The following CUX2 variants were observed in gnomAD, a reference collection of about 807,000 sequenced individuals.
CUX2 encodes cut like homeobox 2, also known as homeobox protein cut-like 2.
In CUX2, 40 loss-of-function variants were observed where a neutral mutation model predicts 144.8. The ratio of observed to expected loss-of-function variants is 0.28; its 90% CI spans 0.21 to 0.36. The LOEUF (loss-of-function observed/expected upper bound fraction) is 0.36, where lower values mean the gene tolerates loss of function less well. Among genes scored for constraint, CUX2 ranks in the 10% least tolerant of loss-of-function variants. The pLI, the probability that CUX2 is intolerant of heterozygous loss-of-function variation, is 1.00. For synonymous variants in CUX2, 827 were observed against 875.6 expected (o/e 0.94, Z 0.98); for missense variants, 1,615 against 1,994.0 (o/e 0.81, Z 3.62).
At chr12:111,225,845 C>A (rs1882107822) in intron 3 of CUX2, among the ~76,000 whole-genome samples, 1 of 152,200 alleles carries the variant, frequency 6.6e-6, no homozygotes, top group East Asian at 1.9e-4. Context: ...TGTATCCAGC[C>A]CAGAACTTGG....
At chr12:111,207,449 G>A (rs897680722) in intron 1 of CUX2, among the ~76,000 whole-genome samples, 1 of 152,130 alleles carries the variant, frequency 6.6e-6, no homozygotes, top group Admixed American at 6.5e-5. Context: ...ATTGATGGAC[G>A]AGTGGATGGG....
chr12:111,200,248 C>T (rs1880497331), intron 1 of CUX2, among the ~76,000 whole-genome samples: 2 of 152,136 alleles, frequency 1.3e-5, no homozygotes, highest in Non-Finnish European at 2.9e-5. Flanking sequence ...CCTTTATTTA[C>T]AGGGGAGGCA....
chr12:111,085,914 T>C (rs527609725), intron 1 of CUX2, among the ~76,000 whole-genome samples: 1 of 152,368 alleles, frequency 6.6e-6, no homozygotes, highest in Admixed American at 6.5e-5. Flanking sequence ...CAGTGAATGC[T>C]GGTGGAGAGA....
chr12:111,118,414 C>A (rs1456038339), intron 1 of CUX2, among the ~76,000 whole-genome samples: 1 of 152,132 alleles, frequency 6.6e-6, no homozygotes, highest in East Asian at 1.9e-4. Flanking sequence ...TCAGTGATGT[C>A]CAGTTGGTAG....
intron 17 of CUX2, among the ~76,000 whole-genome samples, chr12:111,321,414 AGCCAAGATCTC>A (rs1463956509): frequency 6.6e-6 from 1 of 151,982 alleles, no homozygotes; most frequent in Non-Finnish European, 1.5e-5. Flanking sequence ...GGTTGCAGCG[AGCCAAGATCTC>A]GCTACTGTGC....
chr12:111,185,779 C>T (rs543907618), intron 1 of CUX2, among the ~76,000 whole-genome samples: 1 of 152,196 alleles, frequency 6.6e-6, no homozygotes. Flanking sequence ...CCAGTCCCAG[C>T]TCAGCCTGGC....
chr12:111,139,135 C>T (rs911492427), intron 1 of CUX2, among the ~76,000 whole-genome samples: 1 of 151,952 alleles, frequency 6.6e-6, no homozygotes, highest in Admixed American at 6.6e-5. Context: ...TCAGGGACTT[C>T]GTGGGGGGCA....
rs749847051 is a variant in CUX2, at chr12:111,322,395, C to T, written c.2767-26C>T. ...GCCCATGTCCCAGGGGCCTGCTGACCTACCCCCCTGGCCCGCCCCTCGCAG... is the reference window on the plus strand; with the variant it reads ...GCCCATGTCCCAGGGGCCTGCTGACTTACCCCCCTGGCCCGCCCCTCGCAG... On this transcript the variant is annotated intron_variant, in intron 17 of 21. Coordinates refer to ENST00000261726, the MANE Select transcript of CUX2 (RefSeq NM_015267.4). This position sits in a 1 kb window ranked among gnomAD's most constrained non-coding sequence, Gnocchi z 4.2. The T allele has an allele frequency of 4.6e-6, 7 of 1,535,032 alleles. No individual in the cohort carries two copies. Among genetic ancestry groups the T allele is most frequent in the Admixed American group, 2.0e-5 (1 of 49,470 alleles).
At chr12:111,070,267 G>T (rs1871199182) in intron 1 of CUX2, among the ~76,000 whole-genome samples, 1 of 152,066 alleles carries the variant, frequency 6.6e-6, no homozygotes, top group African/African-American at 2.4e-5. Context: ...CAACCTTCTA[G>T]GGCCACACAA....
Position 111,240,047 on chromosome 12 carries a change from G to A in CUX2, c.222+22110G>A, listed in dbSNP as rs371206306. Reference sequence around the variant, plus strand: ...TAGCTGTGCGCCAGCTATGCAGACCGTATCCTTCATTTAGTCCTCAGCAGT... The same window carrying A: ...TAGCTGTGCGCCAGCTATGCAGACCATATCCTTCATTTAGTCCTCAGCAGT... On this transcript the variant is annotated intron_variant, in intron 3 of 21. Coordinates refer to ENST00000261726, the MANE Select transcript of CUX2 (RefSeq NM_015267.4). 1.7e-3 allele frequency among the ~76,000 whole-genome samples: 256 copies of A among 152,342 alleles called. 6 individuals carry two copies. The South Asian group carries it at 0.052, about 31-fold the overall frequency.
chr12:111,292,653 A>G (rs536474336), intron 5 of CUX2, among the ~76,000 whole-genome samples: 1 of 152,278 alleles, frequency 6.6e-6, no homozygotes, highest in Non-Finnish European at 1.5e-5. Flanking sequence ...AGGCCACGTA[A>G]TGTACGATTC....
intron 1 of CUX2, among the ~76,000 whole-genome samples, chr12:111,053,181 G>C (rs1182037353): frequency 6.6e-6 from 1 of 152,212 alleles, no homozygotes; most frequent in African/African-American, 2.4e-5. Context: ...ATGAGCGCCT[G>C]TACATGCAGG....
intron 1 of CUX2, among the ~76,000 whole-genome samples, chr12:111,110,467 G>A (rs745531348): frequency 6.6e-6 from 1 of 152,084 alleles, no homozygotes; most frequent in Non-Finnish European, 1.5e-5. Context: ...ATTAATACGG[G>A]CCTCCAAGTG....
At position 111,057,339 on chromosome 12, in the gene CUX2, A is replaced by G. The variant is rs1015130132; in HGVS notation, c.63+23099A>G. ...GTGTGGCAGGAGATTATGTGAGGGA[A>G]GTTAGTGGGACAGAGACGGCTATGT... On this transcript the variant is annotated intron_variant, in intron 1 of 21. Transcript: ENST00000261726. This position sits in a 1 kb window ranked among gnomAD's most constrained non-coding sequence, Gnocchi z 5.1. 5.3e-5 allele frequency among the ~76,000 whole-genome samples: 8 copies of G among 150,830 alleles called. No homozygotes were observed. Among genetic ancestry groups the G allele is most frequent in the Admixed American group, 5.3e-4 (8 of 15,148 alleles).
intron 1 of CUX2, among the ~76,000 whole-genome samples, chr12:111,167,914 G>C (rs369204298): frequency 6.6e-6 from 1 of 152,026 alleles, no homozygotes; most frequent in African/African-American, 2.4e-5. Context: ...GGCTGGTCTC[G>C]AACTCCTGAC....
chr12:111,093,660 G>A (rs887047186), intron 1 of CUX2, among the ~76,000 whole-genome samples: 5 of 152,166 alleles, frequency 3.3e-5, no homozygotes, highest in Non-Finnish European at 7.3e-5. Flanking sequence ...ATGAACACCT[G>A]AGCTTTTAGG....
chr12:111,250,314 C>G (rs1209168392), intron 3 of CUX2, among the ~76,000 whole-genome samples: 2 of 152,158 alleles, frequency 1.3e-5, no homozygotes, highest in African/African-American at 4.8e-5. Flanking sequence ...ACAACTGGCT[C>G]TGAGTCCAAA....
chr12:111,102,329 C>T (rs1168595267), intron 1 of CUX2, among the ~76,000 whole-genome samples: 8 of 152,246 alleles, frequency 5.3e-5, no homozygotes, highest in Non-Finnish European at 1.0e-4. Flanking sequence ...GGCAGCTCTC[C>T]CTCCGAGGGA....
intron 8 of CUX2, among the ~76,000 whole-genome samples, chr12:111,297,230 A>G (rs533923445): frequency 1.4e-5 from 2 of 143,772 alleles, no homozygotes; most frequent in Admixed American, 1.4e-4. Flanking sequence ...CATCCCAGAC[A>G]CGCCTCCACC....
Sources: gnomAD v4.1 joint callset for allele counts (sites outside exome capture counted in the v4.1 genomes callset) on GRCh38, gnomAD v4.1.1 for gene constraint, Gnocchi (gnomAD v3.1) non-coding constraint, MANE v1.5 for transcripts, NCBI Gene and HGNC (gene_info 2026-07-23, HGNC 2026-07-21) for gene names.